Variants in NTM observed in about 807,000 individuals in gnomAD.
The protein encoded by NTM is IgLON family member 2.
In NTM, 13 loss-of-function variants were observed where a neutral mutation model predicts 42.1. That is an observed-to-expected ratio of 0.31 (90% CI 0.20 to 0.49). The LOEUF (loss-of-function observed/expected upper bound fraction) is 0.49, where lower values mean the gene tolerates loss of function less well. Among genes scored for constraint, NTM ranks in the 20% least tolerant of loss-of-function variants. The pLI is 0.99. For missense variants in NTM, 373 were observed against 452.8 expected, an observed-to-expected ratio of 0.82 and a Z score of 1.60; for synonymous variants, 187 against 179.2, an observed-to-expected ratio of 1.04 and a Z score of -0.35.
intron 1 of NTM, among the ~76,000 whole-genome samples, chr11:131,484,131 G>A (rs931939675): frequency 6.6e-6 from 1 of 152,170 alleles, no homozygotes; most frequent in Non-Finnish European, 1.5e-5. Context: ...TACATCTAAA[G>A]TAGATCCAAA....
At chr11:131,372,828 T>C (rs538302632) in intron 1 of NTM, among the ~76,000 whole-genome samples, 2 of 152,018 alleles carry the variant, frequency 1.3e-5, no homozygotes, top group Non-Finnish European at 2.9e-5. Context: ...CAGGGAAGCA[T>C]AATATTTGCT....
At chr11:131,965,694 A>G (rs1024226272) in intron 2 of NTM, among the ~76,000 whole-genome samples, 8 of 151,976 alleles carry the variant, frequency 5.3e-5, no homozygotes, top group African/African-American at 1.7e-4. Context: ...GCATCTTTCA[A>G]CTCTTGTCAC....
At chr11:131,372,144 T>A (rs1185975457) in intron 1 of NTM, among the ~76,000 whole-genome samples, 1 of 152,166 alleles carries the variant, frequency 6.6e-6, no homozygotes, top group African/African-American at 2.4e-5. Flanking sequence ...GCAGTGTGGA[T>A]CCACGTAAGG....
chr11:131,588,559 A>G (rs1051535682), intron 1 of NTM, among the ~76,000 whole-genome samples: 1 of 152,188 alleles, frequency 6.6e-6, no homozygotes, highest in African/African-American at 2.4e-5. Flanking sequence ...GGACACAAAA[A>G]CCAGTGATAG....
At chr11:132,301,575 A>G (rs2094859640) in intron 4 of NTM, among the ~76,000 whole-genome samples, 1 of 152,192 alleles carries the variant, frequency 6.6e-6, no homozygotes, top group African/African-American at 2.4e-5. Context: ...TCATCCAGTC[A>G]AAACAGAAAA....
At chr11:131,987,747 G>C (rs912482870) in intron 2 of NTM, among the ~76,000 whole-genome samples, 1 of 152,122 alleles carries the variant, frequency 6.6e-6, no homozygotes, top group Non-Finnish European at 1.5e-5. Context: ...TGTATTTTAT[G>C]ATGAGGCTGA....
intron 5 of NTM, among the ~76,000 whole-genome samples, chr11:132,308,400 T>G (rs546293869): frequency 2.0e-4 from 30 of 152,326 alleles, no homozygotes; most frequent in African/African-American, 6.7e-4. Context: ...CCAAAAAGTT[T>G]GGAAGGTGCT....
chr11:132,296,411 C>A (rs574361554), intron 4 of NTM, among the ~76,000 whole-genome samples: 1 of 152,318 alleles, frequency 6.6e-6, no homozygotes, highest in East Asian at 1.9e-4. Context: ...TTCCTTCTAA[C>A]ATTTTTAAAA....
intron 2 of NTM, among the ~76,000 whole-genome samples, chr11:131,927,957 A>C (rs963320405): frequency 6.6e-6 from 1 of 152,198 alleles, no homozygotes; most frequent in Non-Finnish European, 1.5e-5. Context: ...ATTGGGAACA[A>C]AGGATTCTGG....
At chr11:131,535,725 T>C (rs149207015) in intron 1 of NTM, 1 of 152,366 alleles carries the variant, frequency 6.6e-6, no homozygotes, top group African/African-American at 2.4e-5. Context: ...GATTCTCACC[T>C]GCCTCCCTCA....
At chr11:132,330,251 C>T in intron 8 of NTM, 66 bp downstream of exon 8, 1 of 1,519,520 alleles carries the variant, frequency 6.6e-7, no homozygotes. Flanking sequence ...CTTCACCTTC[C>T]TCCCAGATGC....
At chr11:132,300,024 C>CT (rs2094785288) in intron 4 of NTM, among the ~76,000 whole-genome samples, 1 of 152,020 alleles carries the variant, frequency 6.6e-6, no homozygotes. Flanking sequence ...GCTATACCTG[C>CT]TTTTTTAAAA....
chr11:131,986,356 A>C (rs2066069903), intron 2 of NTM, among the ~76,000 whole-genome samples: 1 of 152,204 alleles, frequency 6.6e-6, no homozygotes, highest in Admixed American at 6.5e-5. Flanking sequence ...CTTTGCACAA[A>C]AGCTTAATTT....
At chr11:131,816,689 G>A (rs2092965154) in intron 1 of NTM, among the ~76,000 whole-genome samples, 1 of 152,022 alleles carries the variant, frequency 6.6e-6, no homozygotes, top group South Asian at 2.1e-4. Flanking sequence ...CTTTCTTTCA[G>A]CCATACCAAA....
intron 1 of NTM, among the ~76,000 whole-genome samples, chr11:131,679,580 G>A (rs781051753): frequency 1.3e-5 from 2 of 151,852 alleles, no homozygotes; most frequent in Admixed American, 6.6e-5. Context: ...GCTGATCGCT[G>A]TGCCTCTGAT....
chr11:132,082,715 C>G (rs538385970), intron 2 of NTM, among the ~76,000 whole-genome samples: 1 of 152,288 alleles, frequency 6.6e-6, no homozygotes, highest in South Asian at 2.1e-4. Context: ...CTTAACTGAT[C>G]CTGCTGACAG....
chr11:132,265,851 C>T (rs975639263), intron 4 of NTM, among the ~76,000 whole-genome samples: 1 of 152,136 alleles, frequency 6.6e-6, no homozygotes, highest in African/African-American at 2.4e-5. Flanking sequence ...GAAGCACAGG[C>T]AGAGAGGAGT....
intron 1 of NTM, among the ~76,000 whole-genome samples, chr11:131,646,819 C>A (rs2065827503): frequency 6.6e-6 from 1 of 152,164 alleles, no homozygotes; most frequent in Non-Finnish European, 1.5e-5. Context: ...TTTTAACCTA[C>A]TATTCCCAGT....
At chr11:131,735,608 T>C (rs189454583) in intron 1 of NTM, among the ~76,000 whole-genome samples, 2 of 152,320 alleles carry the variant, frequency 1.3e-5, no homozygotes, top group African/African-American at 2.4e-5. Flanking sequence ...GTTTTTGAGT[T>C]TGAGCAAGAA....
Sources: allele counts gnomAD v4.1 joint callset (sites outside exome capture counted in the v4.1 genomes callset), GRCh38; gene constraint gnomAD v4.1.1; transcripts MANE v1.5; gene names NCBI Gene and HGNC (gene_info 2026-07-23, HGNC 2026-07-21).